Variants in EML5 observed in about 807,000 individuals in gnomAD.
The protein encoded by EML5 is echinoderm microtubule-associated protein-like 5.
Under a neutral mutation model 250.0 loss-of-function variants are expected in EML5, and 120 were observed. The observed-to-expected ratio is 0.48, with a 90% CI of 0.41 to 0.56. The LOEUF is 0.56. Ranked by LOEUF, EML5 falls within the 20% of genes least tolerant of loss-of-function variation. The pLI is 0.00. For missense variants in EML5, 2,006 were observed against 2,437.6 expected, an observed-to-expected ratio of 0.82 and a Z score of 3.73; for synonymous variants, 771 against 806.5, an observed-to-expected ratio of 0.96 and a Z score of 0.75.
At chr14:88,705,115 G>A (rs1304060320) in intron 12 of EML5, 137 bp from the exon 13 acceptor site, 5 of 609,046 alleles carry the variant, frequency 8.2e-6, no homozygotes, top group Non-Finnish European at 1.1e-5. Flanking sequence ...GTTAATTCAT[G>A]AAATTTACTC....
chr14:88,745,214 G>T (rs2093988380), intron 3 of EML5, among the ~76,000 whole-genome samples: 1 of 130,296 alleles, frequency 7.7e-6, no homozygotes, highest in African/African-American at 3.2e-5. Context: ...GCCTCTCTGT[G>T]CACCTACTAA....
At chr14:88,684,705 A>C (rs2092791676) in intron 20 of EML5, among the ~76,000 whole-genome samples, 1 of 152,032 alleles carries the variant, frequency 6.6e-6, no homozygotes, top group Non-Finnish European at 1.5e-5. Flanking sequence ...ATAAGAAATT[A>C]CTCAAAATAT....
chr14:88,618,564 A>T, intron 40 of EML5, 86 bp downstream of exon 40: 2 of 1,446,556 alleles, frequency 1.4e-6, no homozygotes, highest in Non-Finnish European at 1.9e-6. Flanking sequence ...GGAGCTCTGG[A>T]GCTCAGGAAC....
At chr14:88,632,907 G>A (rs565593796) in intron 33 of EML5, among the ~76,000 whole-genome samples, 1 of 152,344 alleles carries the variant, frequency 6.6e-6, no homozygotes, top group South Asian at 2.1e-4. Flanking sequence ...GACTGCTGGA[G>A]GAAGAAGCAG....
At chr14:88,661,315 G>A (rs1035424299) in intron 25 of EML5, among the ~76,000 whole-genome samples, 2 of 152,104 alleles carry the variant, frequency 1.3e-5, no homozygotes, top group Non-Finnish European at 1.5e-5. Context: ...GGCCTGAAAC[G>A]CCTGGCCTCA....
intron 17 of EML5, among the ~76,000 whole-genome samples, chr14:88,692,151 G>T (rs2092973253): frequency 6.6e-6 from 1 of 152,130 alleles, no homozygotes; most frequent in African/African-American, 2.4e-5. Flanking sequence ...AAGGCGGGTT[G>T]ATCACCTGGA....
chr14:88,681,316 T>A (rs1054766509), intron 21 of EML5, among the ~76,000 whole-genome samples: 1 of 152,212 alleles, frequency 6.6e-6, no homozygotes, highest in African/African-American at 2.4e-5. Context: ...AAGTTCATTT[T>A]AAACTTGGAA....
At chr14:88,778,965 A>T (rs779266911) in intron 1 of EML5, among the ~76,000 whole-genome samples, 5 of 152,196 alleles carry the variant, frequency 3.3e-5, no homozygotes, top group Admixed American at 1.3e-4. Context: ...TTAGGAGCCT[A>T]TGTGATGAAA....
chr14:88,694,188 C>G (rs957103030), intron 17 of EML5, 119 bp downstream of exon 17: 2 of 655,344 alleles, frequency 3.1e-6, no homozygotes, highest in Non-Finnish European at 5.3e-6. Context: ...AGTTTTTCTC[C>G]TAGTGTTCCT....
chr14:88,679,408 A>G (rs1030606273), intron 21 of EML5, among the ~76,000 whole-genome samples: 1 of 152,046 alleles, frequency 6.6e-6, no homozygotes, highest in Admixed American at 6.6e-5. Context: ...TAAAGGGGCT[A>G]TAGCCAGGCA....
chr14:88,643,057 C>T (rs1242362536), intron 30 of EML5, 35 bp from the exon 31 acceptor site: 3 of 1,534,746 alleles, frequency 2.0e-6, no homozygotes, highest in African/African-American at 2.9e-5. Context: ...TATATTCTTC[C>T]TCATGTATAA....
intron 1 of EML5, among the ~76,000 whole-genome samples, chr14:88,779,574 G>A (rs1337686023): frequency 1.3e-5 from 2 of 152,126 alleles, no homozygotes; most frequent in African/African-American, 4.8e-5. Flanking sequence ...TAATTAAAAA[G>A]CTCAAATTGT....
At chr14:88,622,942 T>C in intron 36 of EML5, 2 of 397,666 alleles carry the variant, frequency 5.0e-6, no homozygotes, top group Non-Finnish European at 8.9e-6. Context: ...TGAGAAATAC[T>C]CTTTTTTTCT....
At chr14:88,789,501 T>A (rs560648293) in intron 1 of EML5, among the ~76,000 whole-genome samples, 26 of 150,200 alleles carry the variant, frequency 1.7e-4, no homozygotes, top group African/African-American at 6.4e-4. Context: ...TCCCAGGTGA[T>A]AATAAAATGG....
intron 27 of EML5, among the ~76,000 whole-genome samples, chr14:88,656,540 A>G (rs1334444797): frequency 2.0e-5 from 3 of 152,198 alleles, no homozygotes; most frequent in Non-Finnish European, 2.9e-5. Flanking sequence ...TGGATGCAGC[A>G]AACCACCATG....
chr14:88,623,337 G>A (rs2089396648), intron 36 of EML5: 1 of 151,818 alleles, frequency 6.6e-6, no homozygotes, highest in Non-Finnish European at 1.5e-5. Context: ...TCTTGATTAG[G>A]AAGATGTAAA....
At chr14:88,759,639 A>G (rs1315136357) in intron 1 of EML5, among the ~76,000 whole-genome samples, 2 of 145,948 alleles carry the variant, frequency 1.4e-5, no homozygotes, top group Non-Finnish European at 3.0e-5. Flanking sequence ...AGCTGTGATC[A>G]TGCCACTATA....
At chr14:88,627,857 G>GT (rs1340714402) in intron 33 of EML5, 38 bp from the exon 34 acceptor site, 1 of 1,513,230 alleles carries the variant, frequency 6.6e-7, no homozygotes, top group African/African-American at 1.4e-5. Flanking sequence ...TAATCTACCT[G>GT]TTATAAATAT....
chr14:88,687,405 ACTT>A (rs1481893151), intron 18 of EML5, 78 bp from the exon 19 acceptor site: 10 of 1,014,614 alleles, frequency 9.9e-6, no homozygotes, highest in Non-Finnish European at 1.3e-5. Flanking sequence ...TATATTGAAA[ACTT>A]CTAGAAAAAA....
Sources: gnomAD v4.1 joint callset for allele counts (sites outside exome capture counted in the v4.1 genomes callset) on GRCh38, gnomAD v4.1.1 for gene constraint, MANE v1.5 for transcripts, NCBI Gene and HGNC (gene_info 2026-07-23, HGNC 2026-07-21) for gene names.